The following NPAS3 variants were observed in gnomAD, a reference collection of about 807,000 sequenced individuals.
NPAS3 encodes the protein neuronal PAS domain-containing protein 3.
NPAS3 carries 14 observed loss-of-function variants against 73.1 expected under a neutral mutation model. The observed-to-expected ratio is 0.19, with a 90% CI of 0.13 to 0.30. The LOEUF (loss-of-function observed/expected upper bound fraction) is 0.30, where lower values mean the gene tolerates loss of function less well. Ranked by LOEUF, NPAS3 falls within the 10% of genes least tolerant of loss-of-function variation. NPAS3 has a pLI of 1.00. For synonymous variants in NPAS3, 620 were observed against 541.5 expected, an observed-to-expected ratio of 1.14 and a Z score of -2.01; for missense variants, 1,096 against 1,250.0, an observed-to-expected ratio of 0.88 and a Z score of 1.86.
intron 3 of NPAS3, among the ~76,000 whole-genome samples, chr14:33,223,929 A>T (rs561304259): frequency 6.6e-6 from 1 of 152,154 alleles, no homozygotes; most frequent in African/African-American, 2.4e-5. Context: ...CACATAATGA[A>T]GTTTTAAAGA....
intron 3 of NPAS3, among the ~76,000 whole-genome samples, chr14:33,309,364 A>G (rs927734540): frequency 2.0e-5 from 3 of 152,154 alleles, no homozygotes; most frequent in East Asian, 1.9e-4. Context: ...TATGTCAGAA[A>G]TCTTTCAGAG....
intron 2 of NPAS3, among the ~76,000 whole-genome samples, chr14:33,146,957 T>C (rs1235401459): frequency 6.6e-6 from 1 of 152,228 alleles, no homozygotes; most frequent in East Asian, 1.9e-4. Flanking sequence ...CAAGGAACCT[T>C]GCTACATATC....
chr14:32,975,670 T>G (rs892455798), intron 1 of NPAS3, among the ~76,000 whole-genome samples: 2 of 152,152 alleles, frequency 1.3e-5, no homozygotes, highest in Admixed American at 6.5e-5. Context: ...ACATCAGTTT[T>G]GAATACATGT....
chr14:33,474,525 G>A (rs112017767), intron 4 of NPAS3, among the ~76,000 whole-genome samples: 625 of 152,026 alleles, frequency 4.1e-3, no homozygotes, highest in African/African-American at 0.014. Context: ...GGAAACTATC[G>A]CCTTTAATTT....
chr14:33,485,056 A>G (rs1443032064), intron 4 of NPAS3, among the ~76,000 whole-genome samples: 1 of 152,212 alleles, frequency 6.6e-6, no homozygotes, highest in Admixed American at 6.5e-5. Context: ...GCCAGTAAAT[A>G]GTACCTTTGG....
At chr14:33,028,731 G>A (rs2039890945) in intron 1 of NPAS3, among the ~76,000 whole-genome samples, 1 of 152,114 alleles carries the variant, frequency 6.6e-6, no homozygotes, top group African/African-American at 2.4e-5. Flanking sequence ...CACTTACTGG[G>A]AAAATTGAAG....
intron 4 of NPAS3, among the ~76,000 whole-genome samples, chr14:33,537,771 T>TG (rs919987172): frequency 6.6e-5 from 10 of 152,162 alleles, no homozygotes; most frequent in Non-Finnish European, 1.5e-4. Context: ...GGAAGAGCTG[T>TG]GAGCTCGTGA....
At chr14:33,186,631 A>G (rs1594339779) in intron 2 of NPAS3, among the ~76,000 whole-genome samples, 1 of 152,266 alleles carries the variant, frequency 6.6e-6, no homozygotes, top group Non-Finnish European at 1.5e-5. Context: ...GTCTCAGTGC[A>G]TGGTATCACC....
In NPAS3 at chr14:32,994,457, A is replaced by C. The variant is rs375638439; in HGVS notation, c.50+55091A>C. On this transcript the variant is annotated intron_variant, in intron 1 of 11. Transcript: ENST00000356141. ...TGAACTTTTGTAAATTTTAGATTAG[A>C]GCCCCAAATTTTTTTTTCATGATGG... Among the ~76,000 whole-genome samples the C allele has an allele frequency of 7.9e-5, 12 of 152,228 alleles. No homozygotes were observed. In the South Asian group the frequency reaches 2.5e-3, roughly 32 times the overall value.
intron 4 of NPAS3, among the ~76,000 whole-genome samples, chr14:33,481,220 T>C (rs2051310460): frequency 6.6e-6 from 1 of 152,188 alleles, no homozygotes; most frequent in African/African-American, 2.4e-5. Flanking sequence ...CATCCTACAC[T>C]GAATTATAAG....
intron 4 of NPAS3, among the ~76,000 whole-genome samples, chr14:33,404,251 A>G (rs2047567981): frequency 1.3e-5 from 2 of 152,114 alleles, no homozygotes. Context: ...TTGCTATACT[A>G]CGTGTGGTAG....
At chr14:32,967,633 T>A (rs758817537) in intron 1 of NPAS3, among the ~76,000 whole-genome samples, 1 of 152,070 alleles carries the variant, frequency 6.6e-6, no homozygotes, top group Non-Finnish European at 1.5e-5. Context: ...AAAACCATAA[T>A]GAGTCATCAT....
intron 9 of NPAS3, among the ~76,000 whole-genome samples, chr14:33,793,382 T>C (rs2063420366): frequency 6.6e-6 from 1 of 152,172 alleles, no homozygotes; most frequent in Non-Finnish European, 1.5e-5. Flanking sequence ...ATAAATTCTG[T>C]TAGACAAGAT....
chr14:32,999,450 G>T (rs955593670), intron 1 of NPAS3, among the ~76,000 whole-genome samples: 3 of 151,986 alleles, frequency 2.0e-5, no homozygotes, highest in Admixed American at 6.5e-5. Flanking sequence ...GGCAGAGCTT[G>T]CAGTGAGCAG....
chr14:33,514,129 A>G (rs2053190151), intron 4 of NPAS3, among the ~76,000 whole-genome samples: 1 of 152,054 alleles, frequency 6.6e-6, no homozygotes, highest in Non-Finnish European at 1.5e-5. Flanking sequence ...AATTTTGTCC[A>G]TGTCTGCATT....
At position 33,706,843 on chromosome 14, in the gene NPAS3, G is replaced by A. The variant is rs183199255; in HGVS notation, c.734-28371G>A. ...CTGATTCAGAGCCTCCCCTGGCTCC[G>A]TCTCACGTCTTTTCAGCCTAACCTC... is the stretch of plus-strand genomic sequence containing the variant. On this transcript the variant is annotated intron_variant, in intron 6 of 11. Coordinates refer to ENST00000356141, the Ensembl canonical transcript of NPAS3. Among the ~76,000 whole-genome samples the A allele has an allele frequency of 1.8e-3, 276 of 152,242 alleles. 1 individual carries two copies. Among genetic ancestry groups the A allele is most frequent in the African/African-American group, 5.9e-3 (243 of 41,536 alleles).
intron 4 of NPAS3, among the ~76,000 whole-genome samples, chr14:33,409,857 G>A (rs1411053544): frequency 6.6e-6 from 1 of 152,160 alleles, no homozygotes; most frequent in African/African-American, 2.4e-5. Flanking sequence ...ACCCAGCATA[G>A]CAGAAAATGA....
chr14:33,292,306 C>T (rs2042131044), intron 3 of NPAS3, among the ~76,000 whole-genome samples: 1 of 152,110 alleles, frequency 6.6e-6, no homozygotes, highest in African/African-American at 2.4e-5. Flanking sequence ...CCTCATTGAA[C>T]TAGGAAGGAT....
rs371179515 is a variant in NPAS3 at position 33,056,171 on chromosome 14, T to G, written c.140+177T>G. Among the ~76,000 whole-genome samples the G allele has an allele frequency of 2.4e-4, 37 of 152,222 alleles. No individual in the cohort carries two copies. In the East Asian group the frequency reaches 4.8e-3, roughly 20 times the overall value. On this transcript the variant is annotated intron_variant, in intron 2 of 11. Transcript: ENST00000356141. ...CCAAATAAAAACAACCAAAACAATTTGCCTCTGAGATCAAGACAGAAAAAA... is the reference window on the plus strand; with the variant it reads ...CCAAATAAAAACAACCAAAACAATTGGCCTCTGAGATCAAGACAGAAAAAA...
Sources: gnomAD v4.1 joint callset for allele counts (sites outside exome capture counted in the v4.1 genomes callset) on GRCh38, gnomAD v4.1.1 for gene constraint, MANE v1.5 for transcripts, NCBI Gene and HGNC (gene_info 2026-07-23, HGNC 2026-07-21) for gene names.